AFF1: variants seen among roughly 807,000 people sequenced by gnomAD.
AFF1 encodes ALF transcription elongation factor 1.
Under a neutral mutation model 121.7 loss-of-function variants are expected in AFF1, and 48 were observed. The observed-to-expected ratio is 0.39, with a 90% CI of 0.31 to 0.50. AFF1 has a LOEUF of 0.50. Among genes scored for constraint, AFF1 ranks in the 20% least tolerant of loss-of-function variants. The pLI is 0.76. For missense variants in AFF1, 1,523 were observed against 1,511.7 expected (o/e 1.01, Z -0.12); for synonymous variants, 613 against 563.0 (o/e 1.09, Z -1.26).
Position 87,135,593 on chromosome 4 carries a change from G to A in AFF1, c.3549G>A (p.Arg1183=), listed in dbSNP as rs1211850681. 1.3e-6 allele frequency: 2 copies of A among 1,586,658 alleles called. No homozygotes were observed. The highest frequency in any genetic ancestry group is 1.7e-6 in the Non-Finnish European group (2 of 1,164,264). Residue 1183 remains arginine (R), a synonymous_variant, in exon 21 of 21, where the codon CGG becomes CGA. Coordinates refer to ENST00000395146, the MANE Select transcript of AFF1 (RefSeq NM_001166693.3). ...TTTTTTTTGCAGAATTCTTTGCTCG[G>A]CTCAGCACAAATGTGTGCACCTTGG... The part of the protein sequence containing the change: ...LTRKNKEFFA[R]LSTNVCTLAL...
Position 87,127,177 on chromosome 4 carries a change from C to T in AFF1, c.2903+60C>T, listed in dbSNP as rs540331001. 85 of 1,299,266 alleles carry T rather than the reference C, an allele frequency of 6.5e-5. 3 individuals are homozygous for T. In the African/African-American group the frequency reaches 1.3e-3, roughly 20 times the overall value. The allele number at this position is 1,299,266 out of a possible 1,614,324, so 80.5% of individuals were successfully genotyped here. A position where few individuals can be genotyped will look rare whatever the true frequency, so the allele number is the denominator to read the frequency against. ...TGTTTTGTTTTGCTTCCCCCCCCCA[C>T]CAAGATAGAGTCTCACTCTGTCACC... On this transcript the variant is annotated intron_variant, in intron 15 of 20. Coordinates refer to ENST00000395146, the MANE Select transcript of AFF1 (RefSeq NM_001166693.3).
At chr4:86,995,276 CCCCCTCT>C (rs1725034026) in intron 2 of AFF1, among the ~76,000 whole-genome samples, 1 of 44,998 alleles carries the variant, frequency 2.2e-5, no homozygotes, top group Non-Finnish European at 5.8e-5. Flanking sequence ...CCTTCCCCCT[CCCCCTCT>C]CCCTCCCCCT....
chr4:87,069,831 T>TTC (rs1721826542), intron 4 of AFF1, among the ~76,000 whole-genome samples: 1 of 150,520 alleles, frequency 6.6e-6, no homozygotes, highest in Non-Finnish European at 1.5e-5. Flanking sequence ...TTTTTTTTTT[T>TTC]TTTTTGAGAC....
At chr4:87,077,549 A>C (rs528598740) in intron 4 of AFF1, among the ~76,000 whole-genome samples, 1 of 152,180 alleles carries the variant, frequency 6.6e-6, no homozygotes, top group Non-Finnish European at 1.5e-5. Flanking sequence ...AAGGATATAC[A>C]TTGAAAATCT....
chr4:87,069,816 A>AT (rs751029258), intron 4 of AFF1, among the ~76,000 whole-genome samples: 31,732 of 121,230 alleles, frequency 0.26, 5,440 homozygotes, highest in African/African-American at 0.37. Context: ...ATCACTCAGG[A>AT]TTTTTTTTTT....
intron 1 of AFF1, among the ~76,000 whole-genome samples, chr4:86,947,704 G>C (rs573724025): frequency 1.4e-4 from 22 of 152,268 alleles, no homozygotes; most frequent in African/African-American, 5.3e-4. Flanking sequence ...GTTGTTTCCA[G>C]AGTTACCCAA....
At chr4:87,009,844 C>T (rs1399535259) in intron 2 of AFF1, among the ~76,000 whole-genome samples, 1 of 152,132 alleles carries the variant, frequency 6.6e-6, no homozygotes, top group African/African-American at 2.4e-5. Flanking sequence ...AAATCTTGAC[C>T]ATGTACTACT....
intron 11 of AFF1, among the ~76,000 whole-genome samples, chr4:87,113,211 G>A (rs940688654): frequency 6.6e-6 from 1 of 152,166 alleles, no homozygotes; most frequent in Admixed American, 6.6e-5. Context: ...GCCCCTGACG[G>A]TATGCCTCCC....
intron 2 of AFF1, among the ~76,000 whole-genome samples, chr4:87,001,903 T>G (rs116321582): frequency 1.3e-5 from 2 of 152,192 alleles, no homozygotes; most frequent in Non-Finnish European, 2.9e-5. Flanking sequence ...GCAAAGTGAT[T>G]TTAGCAGTGT....
intron 2 of AFF1, among the ~76,000 whole-genome samples, chr4:86,974,683 G>T (rs925259711): frequency 1.3e-5 from 2 of 152,180 alleles, no homozygotes; most frequent in African/African-American, 4.8e-5. Context: ...ATTAGCAATA[G>T]TCATGTAAAA....
intron 2 of AFF1, chr4:87,007,010 CTG>C (rs1390682114): frequency 1.3e-5 from 15 of 1,113,380 alleles, no homozygotes; most frequent in South Asian, 1.1e-4. Flanking sequence ...TCCTTTCTAA[CTG>C]TGGCCCGCGT....
At chr4:87,089,380 T>G (rs1482257336) in intron 5 of AFF1, among the ~76,000 whole-genome samples, 1 of 152,206 alleles carries the variant, frequency 6.6e-6, no homozygotes, top group Admixed American at 6.5e-5. Flanking sequence ...CTGAGAAAAT[T>G]GTAAAAATTA....
Position 87,132,389 on chromosome 4 carries a change from C to T in AFF1, c.3292C>T (p.Pro1098Ser), listed in dbSNP as rs764816355. The change falls in exon 19 of 21, where the codon CCT becomes TCT. Residue 1098 changes from proline to serine, a missense_variant. By Grantham distance (74) the Pro-to-Ser change is moderately conservative. This residue lies in a region of AFF1 where 241 missense variants were observed against 265.2 expected (regional missense o/e 0.91). Coordinates refer to ENST00000395146, the MANE Select transcript of AFF1 (RefSeq NM_001166693.3). ...FESSSKVAQA[P>S]SPCIARSTGT... ...GAGTTCTTCCAAAGTCGCCCAGGCACCTTCTCCATGCATTGCAAGGTAACT... is the reference window on the plus strand; with the variant it reads ...GAGTTCTTCCAAAGTCGCCCAGGCATCTTCTCCATGCATTGCAAGGTAACT... The T allele has an allele frequency of 3.0e-5, 48 of 1,611,678 alleles. No individual in the cohort carries two copies. Among genetic ancestry groups the T allele is most frequent in the Non-Finnish European group, 3.9e-5 (46 of 1,179,236 alleles).
intron 2 of AFF1, among the ~76,000 whole-genome samples, chr4:87,006,500 AGGC>A (rs1040042990): frequency 3.9e-5 from 6 of 152,226 alleles, no homozygotes; most frequent in African/African-American, 1.4e-4. Context: ...AGTCCAAAAA[AGGC>A]GGGCTGTTTT....
chr4:86,986,962 G>A (rs2149498943), intron 2 of AFF1, among the ~76,000 whole-genome samples: 2 of 151,908 alleles, frequency 1.3e-5, no homozygotes. Flanking sequence ...TGGCCTCACT[G>A]TCCTGAGTAG....
chr4:86,982,737 C>T (rs1456501454), intron 2 of AFF1, among the ~76,000 whole-genome samples: 3 of 150,736 alleles, frequency 2.0e-5, no homozygotes, highest in African/African-American at 7.3e-5. Flanking sequence ...AATCCCAGCT[C>T]CTCTGGAGGC....
At chr4:87,101,207 A>G (rs766675480) in intron 8 of AFF1, among the ~76,000 whole-genome samples, 1 of 152,052 alleles carries the variant, frequency 6.6e-6, no homozygotes, top group Admixed American at 6.6e-5. Flanking sequence ...GTAACCTCCC[A>G]CCATCTCTTA....
intron 2 of AFF1, among the ~76,000 whole-genome samples, chr4:86,996,199 T>G (rs371047309): frequency 5.3e-4 from 80 of 150,444 alleles, no homozygotes; most frequent in Non-Finnish European, 1.0e-3. Context: ...CCCCTCTGCC[T>G]GGCCACCACC....
chr4:87,059,558 A>C (rs1452399220), intron 4 of AFF1, among the ~76,000 whole-genome samples: 1 of 152,194 alleles, frequency 6.6e-6, no homozygotes. Flanking sequence ...ACATTATTTC[A>C]CATGAGTGAT....
Sources: gnomAD v4.1 joint callset for allele counts (sites outside exome capture counted in the v4.1 genomes callset) on GRCh38, gnomAD v4.1.1 for gene constraint, gnomAD v4.1.1 regional missense constraint, MANE v1.5 for transcripts, NCBI Gene and HGNC (gene_info 2026-07-23, HGNC 2026-07-21) for gene names.